Variants in TGFBR2 observed in about 807,000 individuals in gnomAD.
The protein encoded by TGFBR2 is TGF-beta receptor type-2.
TGFBR2 carries 18 observed loss-of-function variants against 49.0 expected under a neutral mutation model. The ratio of observed to expected loss-of-function variants is 0.37; its 90% CI spans 0.25 to 0.54. The LOEUF is 0.54. TGFBR2 is among the 20% of genes least tolerant of loss of function. TGFBR2 has a pLI of 0.85. For missense variants in TGFBR2, 525 were observed against 722.6 expected (o/e 0.73, Z 3.13); for synonymous variants, 282 against 275.9 (o/e 1.02, Z -0.22).
chr3:30,660,905 T>C (rs1294604285), intron 3 of TGFBR2, among the ~76,000 whole-genome samples: 5 of 152,168 alleles, frequency 3.3e-5, no homozygotes, highest in Admixed American at 6.5e-5. Flanking sequence ...TGCATGATTT[T>C]AGGAGGTGAG....
rs141355104 is a variant in TGFBR2 at position 30,607,762 on chromosome 3, T to C, written c.94+785T>C. On this transcript the variant is annotated intron_variant, in intron 1 of 6. Transcript: ENST00000295754. ...AACTAGGCTACCCACCTGATCGCTG[T>C]CTCTGAAGGTTTTTAAGGAAAAAAT... 5.2e-3 allele frequency among the ~76,000 whole-genome samples: 775 copies of C among 148,604 alleles called. 5 individuals are homozygous for C. The highest frequency in any genetic ancestry group is 7.8e-3 in the Non-Finnish European group (530 of 67,602).
chr3:30,658,498 G>T (rs139280680), intron 3 of TGFBR2, among the ~76,000 whole-genome samples: 2 of 152,188 alleles, frequency 1.3e-5, no homozygotes, highest in Non-Finnish European at 2.9e-5. Flanking sequence ...AACCACTTCT[G>T]ACTCAAAGTT....
chr3:30,622,750 C>A (rs1034923476), intron 1 of TGFBR2, among the ~76,000 whole-genome samples: 1 of 151,506 alleles, frequency 6.6e-6, no homozygotes, highest in Non-Finnish European at 1.5e-5. Flanking sequence ...AGTGGTGGGA[C>A]ACGCCTATAA....
In TGFBR2 at chr3:30,672,589, T is replaced by C; in HGVS notation, c.1254+152T>C. 2 of 860,794 alleles carry C rather than the reference T, an allele frequency of 2.3e-6. No individual in the cohort carries two copies. Among genetic ancestry groups the C allele is most frequent in the Admixed American group, 2.0e-5 (1 of 50,874 alleles). 53.3% of individuals were successfully genotyped at this position (860,794 alleles called of 1,614,324 possible). A position where few individuals can be genotyped will look rare whatever the true frequency, so the allele number is the denominator to read the frequency against. On this transcript the variant is annotated intron_variant, in intron 4 of 6. Transcript: ENST00000295754. The surrounding 1 kb of genome is among the most constrained non-coding windows in gnomAD (Gnocchi z 4.5). ...CAAAGTATGGAGTCTGCCTTGAGCA[T>C]ACTCTGCTCTGTCCTGCCTGAGCAT...
chr3:30,606,614 G>A lies in TGFBR2; in HGVS notation c.-270G>A, dbSNP rs1357885518. The A allele has an allele frequency of 2.8e-6, 1 of 353,792 alleles. No homozygotes were observed. The highest frequency in any genetic ancestry group is 2.1e-5 in the African/African-American group (1 of 47,762). The allele number at this position is 353,792 out of a possible 1,614,324, so 21.9% of individuals were successfully genotyped here. A position where few individuals can be genotyped will look rare whatever the true frequency, so the allele number is the denominator to read the frequency against. On this transcript the variant is annotated 5_prime_UTR_variant, in exon 1 of 7. Coordinates refer to ENST00000295754, the MANE Select transcript of TGFBR2 (RefSeq NM_003242.6). The stretch of plus-strand genomic sequence containing the variant: ...GTTGAGTGAGTCACTCGCGCGCACG[G>A]AGCGACGACACCCCCGCGCGTGCAC...
chr3:30,682,957 C>T (rs1172179920), intron 5 of TGFBR2, among the ~76,000 whole-genome samples: 1 of 152,172 alleles, frequency 6.6e-6, no homozygotes, highest in East Asian at 1.9e-4. Flanking sequence ...GGAGAAATCT[C>T]TGCAATGCTT....
chr3:30,634,524 T>C (rs1220972500), intron 1 of TGFBR2, among the ~76,000 whole-genome samples: 1 of 152,216 alleles, frequency 6.6e-6, no homozygotes, highest in Non-Finnish European at 1.5e-5. Context: ...ATATGAGGGC[T>C]GTCAGAAAGC....
chr3:30,664,453 A>C lies in TGFBR2; in HGVS notation c.455-7185A>C, dbSNP rs551739660. ...TAGTTGCAAATAAGGAGCCATTTGC[A>C]AATGTCAGAGTCTTGTTACATAAAT... On this transcript the variant is annotated intron_variant, in intron 3 of 6. Transcript: ENST00000295754. 1.8e-3 allele frequency among the ~76,000 whole-genome samples: 275 copies of C among 152,354 alleles called. 1 individual carries two copies. The highest frequency in any genetic ancestry group is 6.5e-3 in the African/African-American group (269 of 41,588).
chr3:30,614,318 A>C lies in TGFBR2; in HGVS notation c.94+7341A>C, dbSNP rs1231707875. 6.6e-5 allele frequency among the ~76,000 whole-genome samples: 10 copies of C among 152,242 alleles called. No homozygotes were observed. The East Asian group carries it at 1.5e-3, about 23-fold the overall frequency. On this transcript the variant is annotated intron_variant, in intron 1 of 6. Transcript: ENST00000295754. ...GAAAAAGGCTTCTCAGTGCTTTAGAAGATATAAGATTGTCAAAACTTCATT... is the reference window on the plus strand; with the variant it reads ...GAAAAAGGCTTCTCAGTGCTTTAGACGATATAAGATTGTCAAAACTTCATT...
At chr3:30,622,556 A>G (rs1329983325) in intron 1 of TGFBR2, among the ~76,000 whole-genome samples, 2 of 152,128 alleles carry the variant, frequency 1.3e-5, no homozygotes, top group South Asian at 2.1e-4. Flanking sequence ...AAGTCATGAA[A>G]ATAGTCATTT....
chr3:30,643,010 C>G (rs1321128173), intron 1 of TGFBR2, among the ~76,000 whole-genome samples: 1 of 152,074 alleles, frequency 6.6e-6, no homozygotes, highest in Non-Finnish European at 1.5e-5. Context: ...TTTACTGTTA[C>G]CACAAGAAAG....
chr3:30,663,200 G>GTGTA (rs1699170544), intron 3 of TGFBR2, among the ~76,000 whole-genome samples: 1 of 152,040 alleles, frequency 6.6e-6, no homozygotes, highest in African/African-American at 2.4e-5. Flanking sequence ...GTGTGTGTGT[G>GTGTA]TATACAGATA....
intron 5 of TGFBR2, among the ~76,000 whole-genome samples, chr3:30,677,681 C>G (rs551942774): frequency 6.6e-6 from 1 of 152,292 alleles, no homozygotes; most frequent in East Asian, 1.9e-4. Context: ...TCAAAAGGTC[C>G]TTTGGAAAGT....
intron 4 of TGFBR2, among the ~76,000 whole-genome samples, chr3:30,673,035 A>G (rs1699371078): frequency 6.6e-6 from 1 of 152,246 alleles, no homozygotes; most frequent in South Asian, 2.1e-4. Flanking sequence ...GGAAATCACC[A>G]CAACATCCCT....
rs35473576 is a variant in TGFBR2 at position 30,648,419 on chromosome 3, TACACAC to T, written c.264-1813_264-1808del. Among the ~76,000 whole-genome samples the T allele has an allele frequency of 1.9e-3, 219 of 115,616 alleles. 4 individuals carry two copies. Among genetic ancestry groups the T allele is most frequent in the Admixed American group, 8.0e-3 (86 of 10,800 alleles). The allele number at this position is 115,616 out of a possible 152,430, so 75.8% of individuals were successfully genotyped here. Reference sequence around the variant, plus strand: ...TTTATTACCCAAACCAAAAACAACCTACACACACACACACACACACACACACACACA... The same window carrying T: ...TTTATTACCCAAACCAAAAACAACCTACACACACACACACACACACACACA... On this transcript the variant is annotated intron_variant, in intron 2 of 6. Coordinates refer to ENST00000295754, the MANE Select transcript of TGFBR2 (RefSeq NM_003242.6).
At chr3:30,666,903 T>A (rs1171830416) in intron 3 of TGFBR2, among the ~76,000 whole-genome samples, 1 of 151,998 alleles carries the variant, frequency 6.6e-6, no homozygotes, top group African/African-American at 2.4e-5. Context: ...GCCAAAGTGC[T>A]AGGATTTCAG....
chr3:30,614,974 T>C (rs1184104518), intron 1 of TGFBR2, among the ~76,000 whole-genome samples: 1 of 152,198 alleles, frequency 6.6e-6, no homozygotes, highest in Non-Finnish European at 1.5e-5. Context: ...TCATATATTA[T>C]CCCATTGCAT....
intron 3 of TGFBR2, among the ~76,000 whole-genome samples, chr3:30,665,501 AT>A (rs1387246606): frequency 4.8e-4 from 73 of 152,360 alleles, no homozygotes; most frequent in African/African-American, 1.7e-3. Flanking sequence ...TATATGAGTT[AT>A]CTTTCTTATT....
At chr3:30,683,112 G>A (rs1403061692) in intron 5 of TGFBR2, among the ~76,000 whole-genome samples, 1 of 152,190 alleles carries the variant, frequency 6.6e-6, no homozygotes, top group Non-Finnish European at 1.5e-5. Flanking sequence ...TGTAAAATGA[G>A]GATGTTGGAT....
Sources: allele counts gnomAD v4.1 joint callset (sites outside exome capture counted in the v4.1 genomes callset), GRCh38; gene constraint gnomAD v4.1.1; non-coding constraint Gnocchi (gnomAD v3.1); transcripts MANE v1.5; gene names NCBI Gene and HGNC (gene_info 2026-07-23, HGNC 2026-07-21).